Variants in PRLHR observed in about 807,000 individuals in gnomAD.
PRLHR encodes the protein prolactin releasing hormone receptor, also known as prolactin-releasing peptide receptor.
PRLHR carries 10 observed loss-of-function variants against 9.3 expected under a neutral mutation model. The ratio of observed to expected loss-of-function variants is 1.08; its 90% CI spans 0.66 to 1.82. The LOEUF is 1.82. Ranked by LOEUF, PRLHR falls within the 40% of genes most tolerant of loss-of-function variation. The pLI, the probability that PRLHR is intolerant of heterozygous loss-of-function variation, is 0.00. For synonymous variants in PRLHR, 261 were observed against 249.3 expected, an observed-to-expected ratio of 1.05 and a Z score of -0.44; for missense variants, 589 against 512.0, an observed-to-expected ratio of 1.15 and a Z score of -1.45.
rs1844445021 is a variant in PRLHR, at chr10:118,592,729, A to C, written c.*1403T>G. The C allele has an allele frequency of 6.6e-6, 1 of 152,200 alleles. No homozygotes were observed. The highest frequency in any genetic ancestry group is 2.4e-5 in the African/African-American group (1 of 41,438). 9.4% of individuals were successfully genotyped at this position (152,200 alleles called of 1,614,324 possible). On this transcript the variant is annotated 3_prime_UTR_variant, in exon 2 of 2. Transcript: ENST00000239032. ...CTTTTAGGGCACATTTTAATGAATG[A>C]ATTGAGCTTATTTCTGAATAAGAGA...
rs756908864 is a variant in PRLHR, at chr10:118,595,144, G to T, written c.101C>A (p.Ala34Glu). The T allele has an allele frequency of 1.9e-6, 3 of 1,597,154 alleles. No individual in the cohort carries two copies. The highest frequency in any genetic ancestry group is 1.3e-5 in the African/African-American group (1 of 74,776). Residue 34 changes from alanine (A) to glutamate (E), a missense_variant, in exon 2 of 2, where the codon GCG (alanine) becomes GAG (glutamate). Ala to Glu is a moderately radical substitution (Grantham distance 107). Coordinates refer to ENST00000239032, the MANE Select transcript of PRLHR (RefSeq NM_004248.3). ...TPANQSAEAS[A>E]GNGSVAGADA... ...CGCGCCAGCCACCGACCCGTTGCCC[G>T]CCGAGGCCTCTGCGCTCTGGTTGGC...
In PRLHR at chr10:118,593,780, C is replaced by T. The variant is rs964965325; in HGVS notation, c.*352G>A. ...CCATTCATATTGTTCATTTCACCAA[C>T]GAGCAGGAGGAGGGGACGCCAGGAA... On this transcript the variant is annotated 3_prime_UTR_variant, in exon 2 of 2. Coordinates refer to ENST00000239032, the MANE Select transcript of PRLHR (RefSeq NM_004248.3). 5.1e-5 allele frequency: 9 copies of T among 176,102 alleles called. No individual in the cohort carries two copies. The highest frequency in any genetic ancestry group is 7.1e-5 in the Non-Finnish European group (6 of 84,512). 10.9% of individuals were successfully genotyped at this position (176,102 alleles called of 1,614,324 possible).
Position 118,595,167 on chromosome 10 carries a change from G to A in PRLHR, c.78C>T (p.Ala26=), listed in dbSNP as rs542599471. 1.1e-5 allele frequency: 17 copies of A among 1,585,304 alleles called. No homozygotes were observed. In the Admixed American group the frequency reaches 2.6e-4, roughly 24 times the overall value. Residue 26 remains alanine, a synonymous_variant, in exon 2 of 2, where the codon GCC becomes GCT. Coordinates refer to ENST00000239032, the MANE Select transcript of PRLHR (RefSeq NM_004248.3). ...CCGCCGAGGCCTCTGCGCTCTGGTT[G>A]GCGGGAGTTGTGACCGCCGGCGGCA... ...SGLPPAVTTP[A]NQSAEASAGN...
rs1286093879 is a variant in PRLHR at position 118,591,704 on chromosome 10, C to A, written c.*2428G>T. On this transcript the variant is annotated 3_prime_UTR_variant, in exon 2 of 2. Transcript: ENST00000239032. ...TTAGAAAGAGGATTCCCGCCCCCAC[C>A]CCCCACCCCGAGATGGAGTCTTGTT... 8.8e-6 allele frequency: 1 copy of A among 113,892 alleles called. No homozygotes were observed. Among genetic ancestry groups the A allele is most frequent in the Non-Finnish European group, 1.7e-5 (1 of 57,316 alleles). 7.1% of individuals were successfully genotyped at this position (113,892 alleles called of 1,614,324 possible). A position where few individuals can be genotyped will look rare whatever the true frequency, so the allele number is the denominator to read the frequency against.
Position 118,595,024 on chromosome 10 carries a change from C to T in PRLHR, c.221G>A (p.Gly74Glu). 1 of 1,612,342 alleles carries T rather than the reference C, an allele frequency of 6.2e-7. No individual in the cohort carries two copies. Among genetic ancestry groups the T allele is most frequent in the Non-Finnish European group, 8.5e-7 (1 of 1,179,158 alleles). ...VLLYSVVVVV[G>E]LVGNCLLVLV... ...CACCAGCAGGCAGTTGCCCACCAGCCCCACGACCACCACGACGCTGTAGAG... is the reference window on the plus strand; with the variant it reads ...CACCAGCAGGCAGTTGCCCACCAGCTCCACGACCACCACGACGCTGTAGAG... Residue 74 changes from glycine (G) to glutamate (E), a missense_variant, in exon 2 of 2, where the codon GGG becomes GAG. Coordinates refer to ENST00000239032, the MANE Select transcript of PRLHR (RefSeq NM_004248.3).
At position 118,594,006 on chromosome 10, in the gene PRLHR, G is replaced by A; in HGVS notation, c.*126C>T. 7.2e-7 allele frequency: 1 copy of A among 1,383,802 alleles called. No individual in the cohort carries two copies. 85.7% of individuals were successfully genotyped at this position (1,383,802 alleles called of 1,614,324 possible). A position where few individuals can be genotyped will look rare whatever the true frequency, so the allele number is the denominator to read the frequency against. On this transcript the variant is annotated 3_prime_UTR_variant, in exon 2 of 2. Transcript: ENST00000239032. ...GACAGCCGGACAAGAGGGCTGGGCT[G>A]GAAATGTTGCCCTATGTTGGCTTAG...
rs1395049084 is a variant in PRLHR at position 118,595,328 on chromosome 10, C to G, written c.-6-78G>C. The G allele has an allele frequency of 3.7e-6, 5 of 1,345,128 alleles. No individual in the cohort carries two copies. In the East Asian group the frequency reaches 1.2e-4, roughly 31 times the overall value. 83.3% of individuals were successfully genotyped at this position (1,345,128 alleles called of 1,614,324 possible). ...CTCCTACACCAGCCGCGCCCCTCCCCCATCGCCTGAGTCCTCCCTTGGGAA... is the reference window on the plus strand; with the variant it reads ...CTCCTACACCAGCCGCGCCCCTCCCGCATCGCCTGAGTCCTCCCTTGGGAA... On this transcript the variant is annotated intron_variant, in intron 1 of 1. Transcript: ENST00000239032.
In PRLHR at chr10:118,591,217, C is replaced by T. The variant is rs942533357; in HGVS notation, c.*2915G>A. 2 of 152,114 alleles carry T rather than the reference C, an allele frequency of 1.3e-5. No homozygotes were observed. The highest frequency in any genetic ancestry group is 4.8e-5 in the African/African-American group (2 of 41,410). 9.4% of individuals were successfully genotyped at this position (152,114 alleles called of 1,614,324 possible). ...GATCCTCCCAGGCTCAAGTGATCCTCCTGCCTTTGTGTCCCAAGTAGCTGG... is the reference window on the plus strand; with the variant it reads ...GATCCTCCCAGGCTCAAGTGATCCTTCTGCCTTTGTGTCCCAAGTAGCTGG... On this transcript the variant is annotated 3_prime_UTR_variant, in exon 2 of 2. Transcript: ENST00000239032.
In PRLHR at chr10:118,590,580, G is replaced by C. The variant is rs886615034; in HGVS notation, c.*3552C>G. On this transcript the variant is annotated 3_prime_UTR_variant, in exon 2 of 2. Transcript: ENST00000239032. ...GAACCTCCCATCAGCCTTGAGAAGGGCTGCTGCCAAGTACCAAGTTGGCTC... is the reference window on the plus strand; with the variant it reads ...GAACCTCCCATCAGCCTTGAGAAGGCCTGCTGCCAAGTACCAAGTTGGCTC... 7.2e-5 allele frequency: 11 copies of C among 152,230 alleles called. No individual in the cohort carries two copies. Among genetic ancestry groups the C allele is most frequent in the African/African-American group, 2.7e-4 (11 of 41,454 alleles). 9.4% of individuals were successfully genotyped at this position (152,230 alleles called of 1,614,324 possible). A position where few individuals can be genotyped will look rare whatever the true frequency, so the allele number is the denominator to read the frequency against.
Position 118,594,291 on chromosome 10 carries a change from C to A in PRLHR, c.954G>T (p.Leu318=). 1 of 1,603,228 alleles carries A rather than the reference C, an allele frequency of 6.2e-7. No homozygotes were observed. The highest frequency in any genetic ancestry group is 1.1e-5 in the South Asian group (1 of 89,972). The change falls in exon 2 of 2, where the codon CTG becomes CTT. Residue 318 remains leucine, a synonymous_variant. Coordinates refer to ENST00000239032, the MANE Select transcript of PRLHR (RefSeq NM_004248.3). Reference sequence around the variant, plus strand: ...AACTCATGGCGAGCCAGTGGCAGAGCAGCTGCACCAGCCCAAAGGCGTAAG... The same window carrying A: ...AACTCATGGCGAGCCAGTGGCAGAGAAGCTGCACCAGCCCAAAGGCGTAAG... The part of the protein sequence containing the change: ...IDPYAFGLVQ[L]LCHWLAMSSA...
chr10:118,595,104 G>C lies in PRLHR; in HGVS notation c.141C>G (p.Val47=), dbSNP rs1844481799. ...GSVAGADAPA[V]TPFQSLQLVH... is the part of the protein sequence containing the mutation. ...CCAGCTGCAGGCTCTGGAAGGGCGTGACGGCTGGAGCGTCCGCGCCAGCCA... is the reference window on the plus strand; with the variant it reads ...CCAGCTGCAGGCTCTGGAAGGGCGTCACGGCTGGAGCGTCCGCGCCAGCCA... The change falls in exon 2 of 2, where the codon GTC becomes GTG. Residue 47 remains valine, a synonymous_variant. Coordinates refer to ENST00000239032, the MANE Select transcript of PRLHR (RefSeq NM_004248.3). 2 of 1,603,124 alleles carry C rather than the reference G, an allele frequency of 1.2e-6. No individual in the cohort carries two copies. The highest frequency in any genetic ancestry group is 1.7e-6 in the Non-Finnish European group (2 of 1,175,116).
chr10:118,594,769 C>T lies in PRLHR; in HGVS notation c.476G>A (p.Arg159His). The T allele has an allele frequency of 6.2e-7, 1 of 1,610,700 alleles. No homozygotes were observed. The highest frequency in any genetic ancestry group is 1.3e-5 in the African/African-American group (1 of 75,052). The change falls in exon 2 of 2, where the codon CGC (arginine) becomes CAC (histidine). Residue 159 changes from arginine to histidine, a missense_variant. Physicochemically the swap from Arg to His is conservative, Grantham distance 29. Coordinates refer to ENST00000239032, the MANE Select transcript of PRLHR (RefSeq NM_004248.3). ...CAGCGGGTGCACCAGCACGACGTAG[C>T]GGTCCACTGCGATGGTGGTGAGCGT... ...VFTLTTIAVDRYVVLVHPLRR... is the reference protein window; with the variant it reads ...VFTLTTIAVDHYVVLVHPLRR...
chr10:118,590,885 C>T lies in PRLHR; in HGVS notation c.*3247G>A, dbSNP rs1844426482. On this transcript the variant is annotated 3_prime_UTR_variant, in exon 2 of 2. Coordinates refer to ENST00000239032, the MANE Select transcript of PRLHR (RefSeq NM_004248.3). ...TAAGCACAATCTAATTCTCCAACCTCTTTAAGCTCTTTATAAAGTCCATGT... is the reference window on the plus strand; with the variant it reads ...TAAGCACAATCTAATTCTCCAACCTTTTTAAGCTCTTTATAAAGTCCATGT... 6 of 152,158 alleles carry T rather than the reference C, an allele frequency of 3.9e-5. No individual in the cohort carries two copies. Among genetic ancestry groups the T allele is most frequent in the Admixed American group, 3.9e-4 (6 of 15,278 alleles). 9.4% of individuals were successfully genotyped at this position (152,158 alleles called of 1,614,324 possible). A position where few individuals can be genotyped will look rare whatever the true frequency, so the allele number is the denominator to read the frequency against.
In PRLHR at chr10:118,590,655, T is replaced by C. The variant is rs1022015318; in HGVS notation, c.*3477A>G. On this transcript the variant is annotated 3_prime_UTR_variant, in exon 2 of 2. Coordinates refer to ENST00000239032, the MANE Select transcript of PRLHR (RefSeq NM_004248.3). ...TACTCCTTGCAGGAAGAGGACTGTG[T>C]ATACATCTTAGATGCTTGATATTAA... The C allele has an allele frequency of 6.6e-6, 1 of 152,238 alleles. No individual in the cohort carries two copies. The highest frequency in any genetic ancestry group is 1.9e-4 in the East Asian group (1 of 5,202). 9.4% of individuals were successfully genotyped at this position (152,238 alleles called of 1,614,324 possible).
rs750910350 is a variant in PRLHR, at chr10:118,592,790, G to A, written c.*1342C>T. The A allele has an allele frequency of 1.3e-5, 2 of 152,214 alleles. No individual in the cohort carries two copies. Among genetic ancestry groups the A allele is most frequent in the Non-Finnish European group, 2.9e-5 (2 of 68,048 alleles). 9.4% of individuals were successfully genotyped at this position (152,214 alleles called of 1,614,324 possible). The stretch of plus-strand genomic sequence containing the variant: ...GGTGAAACAGTGATTCTTGTGTTCA[G>A]TGAGCTGGGAAAGTAGTTGAACCCT... On this transcript the variant is annotated 3_prime_UTR_variant, in exon 2 of 2. Transcript: ENST00000239032.
rs1426350346 is a variant in PRLHR, at chr10:118,593,003, T to C, written c.*1129A>G. On this transcript the variant is annotated 3_prime_UTR_variant, in exon 2 of 2. Coordinates refer to ENST00000239032, the MANE Select transcript of PRLHR (RefSeq NM_004248.3). ...GTTAAGGTGATGATTATCAGCCTGG[T>C]ATCATGCTCCACAGTCTTCACCTTT... The C allele has an allele frequency of 6.6e-6, 1 of 152,248 alleles. No individual in the cohort carries two copies. The highest frequency in any genetic ancestry group is 1.9e-4 in the East Asian group (1 of 5,200). 9.4% of individuals were successfully genotyped at this position (152,248 alleles called of 1,614,324 possible). A position where few individuals can be genotyped will look rare whatever the true frequency, so the allele number is the denominator to read the frequency against.
rs1242036814 is a variant in PRLHR at position 118,594,302 on chromosome 10, G to T, written c.943C>A (p.Leu315Met). 8 of 1,603,188 alleles carry T rather than the reference G, an allele frequency of 5.0e-6. No homozygotes were observed. The South Asian group carries it at 8.9e-5, about 18-fold the overall frequency. The change falls in exon 2 of 2, where the codon CTG (leucine) becomes ATG (methionine). Residue 315 changes from leucine (L) to methionine (M), a missense_variant. Coordinates refer to ENST00000239032, the MANE Select transcript of PRLHR (RefSeq NM_004248.3). ...PHAIDPYAFG[L>M]VQLLCHWLAM... Reference sequence around the variant, plus strand: ...AGCCAGTGGCAGAGCAGCTGCACCAGCCCAAAGGCGTAAGGGTCGATGGCG... The same window carrying T: ...AGCCAGTGGCAGAGCAGCTGCACCATCCCAAAGGCGTAAGGGTCGATGGCG...
rs1206447271 is a variant in PRLHR, at chr10:118,591,548, G to A, written c.*2584C>T. ...TTCAATAATTTGCCTCTTTGTGATT[G>A]AGCTGGTATTGCCTGAAGACTAAAA... On this transcript the variant is annotated 3_prime_UTR_variant, in exon 2 of 2. Transcript: ENST00000239032. 1 of 152,140 alleles carries A rather than the reference G, an allele frequency of 6.6e-6. No homozygotes were observed. Among genetic ancestry groups the A allele is most frequent in the Non-Finnish European group, 1.5e-5 (1 of 68,028 alleles). The allele number at this position is 152,140 out of a possible 1,614,324, so 9.4% of individuals were successfully genotyped here. A position where few individuals can be genotyped will look rare whatever the true frequency, so the allele number is the denominator to read the frequency against.
Position 118,594,780 on chromosome 10 carries a change from G to A in PRLHR, c.465C>T (p.Ile155=). The A allele has an allele frequency of 2.5e-6, 4 of 1,611,672 alleles. No homozygotes were observed. Among genetic ancestry groups the A allele is most frequent in the South Asian group, 2.2e-5 (2 of 91,066 alleles). The part of the protein sequence containing the change: ...VYVSVFTLTT[I]AVDRYVVLVH... Reference sequence around the variant, plus strand: ...CCAGCACGACGTAGCGGTCCACTGCGATGGTGGTGAGCGTGAACACCGACA... The same window carrying A: ...CCAGCACGACGTAGCGGTCCACTGCAATGGTGGTGAGCGTGAACACCGACA... The change falls in exon 2 of 2, where the codon ATC becomes ATT. Residue 155 remains isoleucine, a synonymous_variant. Coordinates refer to ENST00000239032, the MANE Select transcript of PRLHR (RefSeq NM_004248.3).
Sources: gnomAD v4.1 joint callset for allele counts on GRCh38, gnomAD v4.1.1 for gene constraint, MANE v1.5 for transcripts, NCBI Gene and HGNC (gene_info 2026-07-23, HGNC 2026-07-21) for gene names.